Variants in DOCK3 observed in about 807,000 individuals in gnomAD.
The protein encoded by DOCK3 is dedicator of cytokinesis 3.
In DOCK3, 60 loss-of-function variants were observed where a neutral mutation model predicts 265.6. The ratio of observed to expected loss-of-function variants is 0.23; its 90% CI spans 0.18 to 0.28. The LOEUF is 0.28. Ranked by LOEUF, DOCK3 falls within the 10% of genes least tolerant of loss-of-function variation. The pLI is 1.00. For synonymous variants in DOCK3, 881 were observed against 938.0 expected, an observed-to-expected ratio of 0.94 and a Z score of 1.11; for missense variants, 1,981 against 2,594.3, an observed-to-expected ratio of 0.76 and a Z score of 5.14.
intron 3 of DOCK3, among the ~76,000 whole-genome samples, chr3:50,857,992 A>G (rs1296910799): frequency 2.0e-5 from 3 of 152,342 alleles, no homozygotes; most frequent in African/African-American, 7.2e-5. Context: ...TGTTTATTGC[A>G]GCACTATTCA....
chr3:50,929,316 T>C (rs1344458464), intron 4 of DOCK3, among the ~76,000 whole-genome samples: 1 of 152,186 alleles, frequency 6.6e-6, no homozygotes, highest in Non-Finnish European at 1.5e-5. Context: ...TTAGAGCTTC[T>C]TCCCCACAGT....
chr3:51,297,117 C>CAAAAA lies in DOCK3; in HGVS notation c.2923-13096_2923-13092dup, dbSNP rs71633066. 1.6e-3 allele frequency among the ~76,000 whole-genome samples: 103 copies of CAAAAA among 65,876 alleles called. 3 individuals carry two copies. The highest frequency in any genetic ancestry group is 5.9e-3 in the African/African-American group (86 of 14,602). The allele number at this position is 65,876 out of a possible 152,430, so 43.2% of individuals were successfully genotyped here. ...TGGGGGATAGAGTGAGACTCTGTCT[C>CAAAAA]AAAAAAAAAAAAAAAAAAAAAAATC... On this transcript the variant is annotated intron_variant, in intron 27 of 52. Coordinates refer to ENST00000266037, the MANE Select transcript of DOCK3 (RefSeq NM_004947.5).
intron 1 of DOCK3, among the ~76,000 whole-genome samples, chr3:50,747,866 A>G (rs1328268255): frequency 1.4e-5 from 1 of 71,048 alleles, no homozygotes; most frequent in Non-Finnish European, 3.9e-5. Context: ...TCTGTCTGAA[A>G]AAAAAAAGGG....
chr3:51,172,077 A>C (rs2086708162), intron 12 of DOCK3, among the ~76,000 whole-genome samples: 1 of 152,160 alleles, frequency 6.6e-6, no homozygotes, highest in Admixed American at 6.5e-5. Flanking sequence ...CATTACAGAG[A>C]GTCCATATTT....
chr3:50,939,129 A>G (rs2051555431), intron 5 of DOCK3, among the ~76,000 whole-genome samples: 1 of 152,090 alleles, frequency 6.6e-6, no homozygotes, highest in Admixed American at 6.5e-5. Flanking sequence ...TAAGCAGGCA[A>G]AAAGAAAATA....
At chr3:51,111,002 G>T (rs952110761) in intron 9 of DOCK3, among the ~76,000 whole-genome samples, 7 of 152,168 alleles carry the variant, frequency 4.6e-5, no homozygotes, top group African/African-American at 1.4e-4. Flanking sequence ...CAAAATCAGT[G>T]TACAAAAATC....
At chr3:51,194,314 T>C (rs1035261802) in intron 12 of DOCK3, among the ~76,000 whole-genome samples, 9 of 152,220 alleles carry the variant, frequency 5.9e-5, no homozygotes, top group African/African-American at 1.9e-4. Flanking sequence ...GCTTGTTTTG[T>C]GGCCTAACAT....
chr3:51,050,719 T>G (rs2109112768), intron 5 of DOCK3, among the ~76,000 whole-genome samples: 1 of 152,294 alleles, frequency 6.6e-6, no homozygotes, highest in Admixed American at 6.5e-5. Context: ...GCCTTTTTAT[T>G]CTTCTCAGGC....
At chr3:50,830,665 C>T (rs1196765068) in intron 2 of DOCK3, among the ~76,000 whole-genome samples, 1 of 152,108 alleles carries the variant, frequency 6.6e-6, no homozygotes, top group African/African-American at 2.4e-5. Context: ...GTTCACACTG[C>T]CGACACTGTT....
At chr3:50,773,172 A>G (rs1049327832) in intron 1 of DOCK3, among the ~76,000 whole-genome samples, 4 of 152,286 alleles carry the variant, frequency 2.6e-5, no homozygotes, top group Middle Eastern at 6.8e-3. Flanking sequence ...GGTGCCAACA[A>G]TACTCATTGG....
Position 51,339,026 on chromosome 3 carries a change from C to T in DOCK3, c.3764C>T (p.Thr1255Ile). ...CDMHLQAENY[T>I]EAAFTLLLYC... ...ATGCACTTGCAGGCCGAAAACTACACAGGTAAGTGGGGAGAAGAGAGAGCC... is the reference window on the plus strand; with the variant it reads ...ATGCACTTGCAGGCCGAAAACTACATAGGTAAGTGGGGAGAAGAGAGAGCC... Residue 1255 changes from threonine (T) to isoleucine (I), a missense_variant and splice_region_variant, in exon 37 of 53, where the codon ACA becomes ATA. Thr to Ile is a moderately conservative substitution (Grantham distance 89). Coordinates refer to ENST00000266037, the MANE Select transcript of DOCK3 (RefSeq NM_004947.5). The T allele has an allele frequency of 6.3e-7, 1 of 1,590,034 alleles. No homozygotes were observed. The highest frequency in any genetic ancestry group is 1.7e-5 in the Admixed American group (1 of 57,998).
chr3:50,987,064 G>C (rs183513535), intron 5 of DOCK3, among the ~76,000 whole-genome samples: 1 of 152,292 alleles, frequency 6.6e-6, no homozygotes, highest in Non-Finnish European at 1.5e-5. Context: ...TTTTAACAAA[G>C]ATAGTTTCTT....
intron 1 of DOCK3, among the ~76,000 whole-genome samples, chr3:50,768,306 T>A (rs968800653): frequency 6.6e-6 from 1 of 152,162 alleles, no homozygotes; most frequent in Non-Finnish European, 1.5e-5. Flanking sequence ...ATACCTAATC[T>A]ATTGAGAGTT....
chr3:50,831,547 A>G (rs1026645409), intron 2 of DOCK3, among the ~76,000 whole-genome samples: 5 of 152,164 alleles, frequency 3.3e-5, no homozygotes, highest in African/African-American at 9.7e-5. Flanking sequence ...TGTCCCTGCA[A>G]AGGGTGTGAA....
chr3:50,696,965 C>G (rs558747772), intron 1 of DOCK3, among the ~76,000 whole-genome samples: 1 of 148,146 alleles, frequency 6.8e-6, no homozygotes, highest in East Asian at 2.0e-4. Context: ...CTCACTAACT[C>G]TGTTGCTCAG....
chr3:51,302,054 G>A (rs778629091), intron 27 of DOCK3, among the ~76,000 whole-genome samples: 4 of 152,152 alleles, frequency 2.6e-5, no homozygotes, highest in Non-Finnish European at 5.9e-5. Context: ...CTATTATTGT[G>A]TGTGGGAGTC....
chr3:50,770,746 G>A (rs1256361054), intron 1 of DOCK3, among the ~76,000 whole-genome samples: 2 of 152,098 alleles, frequency 1.3e-5, no homozygotes, highest in African/African-American at 2.4e-5. Context: ...CAGAAACAAG[G>A]TTTGTCTAAC....
intron 3 of DOCK3, among the ~76,000 whole-genome samples, chr3:50,868,985 T>G (rs1462691753): frequency 6.7e-6 from 1 of 149,732 alleles, no homozygotes; most frequent in Non-Finnish European, 1.5e-5. Context: ...CTCTTTTTTT[T>G]TTTTTTTGAG....
intron 12 of DOCK3, among the ~76,000 whole-genome samples, chr3:51,186,282 C>T (rs1296754013): frequency 3.3e-5 from 5 of 152,180 alleles, no homozygotes; most frequent in Non-Finnish European, 7.3e-5. Context: ...CCTTTTGCCC[C>T]TGTCATAGAG....
Sources: allele counts gnomAD v4.1 joint callset (sites outside exome capture counted in the v4.1 genomes callset), GRCh38; gene constraint gnomAD v4.1.1; transcripts MANE v1.5; gene names NCBI Gene and HGNC (gene_info 2026-07-23, HGNC 2026-07-21).